SMYD3: variants seen among roughly 807,000 people sequenced by gnomAD.
SMYD3 encodes histone-lysine N-methyltransferase SMYD3.
In SMYD3, 36 loss-of-function variants were observed where a neutral mutation model predicts 57.7. That is an observed-to-expected ratio of 0.62 (90% CI 0.48 to 0.82). The LOEUF is 0.82. SMYD3 is among the 40% of genes least tolerant of loss of function. The pLI, the probability that SMYD3 is intolerant of heterozygous loss-of-function variation, is 0.00. For missense variants in SMYD3, 515 were observed against 538.8 expected (o/e 0.96, Z 0.44); for synonymous variants, 211 against 195.0 (o/e 1.08, Z -0.68).
chr1:245,991,647 G>A (rs1181250260), intron 5 of SMYD3, among the ~76,000 whole-genome samples: 1 of 152,232 alleles, frequency 6.6e-6, no homozygotes, highest in East Asian at 1.9e-4. Flanking sequence ...TGCCAGGAGG[G>A]CTTCCCCTTA....
intron 7 of SMYD3, 59 bp downstream of exon 7, chr1:245,927,872 G>T: frequency 7.2e-7 from 1 of 1,386,264 alleles, no homozygotes; most frequent in South Asian, 1.2e-5. Flanking sequence ...GGGACGGGCC[G>T]AGCTGAGAGG....
chr1:246,111,406 C>T (rs986866257), intron 5 of SMYD3: 24 of 152,224 alleles, frequency 1.6e-4, no homozygotes, highest in African/African-American at 5.1e-4. Flanking sequence ...AGCAGTGGTC[C>T]TTTCCATGCT....
At chr1:246,215,098 G>C (rs2063144970) in intron 5 of SMYD3, among the ~76,000 whole-genome samples, 1 of 152,150 alleles carries the variant, frequency 6.6e-6, no homozygotes, top group Non-Finnish European at 1.5e-5. Flanking sequence ...ATGTGGAAGA[G>C]AAGCTCATGA....
chr1:245,886,586 G>C (rs2053096264), intron 8 of SMYD3, among the ~76,000 whole-genome samples: 1 of 152,056 alleles, frequency 6.6e-6, no homozygotes. Context: ...CATATCCCCG[G>C]GTATTAATCG....
chr1:246,193,679 G>A (rs1338377458), intron 5 of SMYD3: 2 of 152,328 alleles, frequency 1.3e-5, no homozygotes, highest in Non-Finnish European at 2.9e-5. Flanking sequence ...AGTTACCTTA[G>A]ACACAGCCCT....
At chr1:245,751,763 G>A (rs1292267661) in intron 11 of SMYD3, among the ~76,000 whole-genome samples, 1 of 152,190 alleles carries the variant, frequency 6.6e-6, no homozygotes, top group Non-Finnish European at 1.5e-5. Context: ...AGCCCAGAAG[G>A]TGGCTGGAGC....
At chr1:246,031,614 G>T (rs561056306) in intron 5 of SMYD3, among the ~76,000 whole-genome samples, 2 of 152,004 alleles carry the variant, frequency 1.3e-5, no homozygotes. Context: ...GCGGGCGCCT[G>T]TAGTCCCAGC....
chr1:245,879,690 A>G (rs1253289112), intron 8 of SMYD3, among the ~76,000 whole-genome samples: 1 of 152,228 alleles, frequency 6.6e-6, no homozygotes, highest in African/African-American at 2.4e-5. Context: ...AGGACAGTGA[A>G]AGAACTTGGA....
chr1:245,977,287 C>G (rs2058469448), intron 5 of SMYD3, among the ~76,000 whole-genome samples: 1 of 152,222 alleles, frequency 6.6e-6, no homozygotes. Context: ...TTGATCCAGC[C>G]TCTACCACAC....
intron 1 of SMYD3, among the ~76,000 whole-genome samples, chr1:246,461,245 G>A (rs1433842331): frequency 6.6e-6 from 1 of 152,062 alleles, no homozygotes. Flanking sequence ...TTATCAGATA[G>A]TGGAAATTAT....
At chr1:245,809,853 T>C (rs1273777075) in intron 10 of SMYD3, among the ~76,000 whole-genome samples, 2 of 152,196 alleles carry the variant, frequency 1.3e-5, no homozygotes. Context: ...CAACTTATTA[T>C]TGTAAAGATT....
intron 5 of SMYD3, among the ~76,000 whole-genome samples, chr1:246,040,553 A>G (rs542477834): frequency 1.1e-4 from 16 of 152,330 alleles, no homozygotes; most frequent in African/African-American, 3.8e-4. Context: ...CCAAACAGAG[A>G]AACAATTTAA....
intron 1 of SMYD3, among the ~76,000 whole-genome samples, chr1:246,446,767 C>G (rs568211738): frequency 1.3e-5 from 2 of 152,130 alleles, no homozygotes; most frequent in African/African-American, 2.4e-5. Context: ...CTGTGGCTCA[C>G]GCCTGTAATC....
chr1:246,140,366 A>G (rs768371472), intron 5 of SMYD3, among the ~76,000 whole-genome samples: 11 of 152,196 alleles, frequency 7.2e-5, no homozygotes, highest in Non-Finnish European at 1.2e-4. Flanking sequence ...TTTGGGACTA[A>G]GAAAAAATGA....
At chr1:246,325,491 CTG>C (rs1185683670) in intron 5 of SMYD3, among the ~76,000 whole-genome samples, 1 of 152,016 alleles carries the variant, frequency 6.6e-6, no homozygotes, top group African/African-American at 2.4e-5. Flanking sequence ...AATCTCAAAA[CTG>C]TGTATTTTCT....
At chr1:245,982,500 A>G (rs1051460438) in intron 5 of SMYD3, among the ~76,000 whole-genome samples, 1 of 152,248 alleles carries the variant, frequency 6.6e-6, no homozygotes, top group African/African-American at 2.4e-5. Context: ...TCAAAATGTC[A>G]GTCTGAGAGT....
At chr1:246,284,708 G>A (rs898580310) in intron 5 of SMYD3, among the ~76,000 whole-genome samples, 3 of 151,976 alleles carry the variant, frequency 2.0e-5, no homozygotes, top group Admixed American at 6.6e-5. Context: ...GAGCCACCGC[G>A]CCCAGCCTCT....
chr1:246,042,915 G>T (rs1999896), intron 5 of SMYD3, among the ~76,000 whole-genome samples: 66,093 of 151,926 alleles, frequency 0.44, 16,067 homozygotes, highest in East Asian at 0.8. Context: ...ATTTCCAGGG[G>T]CTCTGAATAG....
At chr1:246,095,866 C>T (rs1573014739) in intron 5 of SMYD3, among the ~76,000 whole-genome samples, 1 of 152,110 alleles carries the variant, frequency 6.6e-6, no homozygotes, top group South Asian at 2.1e-4. Flanking sequence ...ACAGGCAAGA[C>T]CCTGTGTCAA....
Sources: allele counts gnomAD v4.1 joint callset (sites outside exome capture counted in the v4.1 genomes callset), GRCh38; gene constraint gnomAD v4.1.1; transcripts MANE v1.5; gene names NCBI Gene and HGNC (gene_info 2026-07-23, HGNC 2026-07-21).